Variants in NSD2 observed in about 807,000 individuals in gnomAD.
The protein encoded by NSD2 is histone-lysine N-methyltransferase NSD2.
NSD2 carries 12 observed loss-of-function variants against 139.0 expected under a neutral mutation model. That is an observed-to-expected ratio of 0.09 (90% confidence interval 0.06 to 0.14). The LOEUF is 0.14. Among genes scored for constraint, NSD2 ranks in the 10% least tolerant of loss-of-function variants. The pLI, the probability that NSD2 is intolerant of heterozygous loss-of-function variation, is 1.00. For synonymous variants in NSD2, 669 were observed against 648.7 expected, an observed-to-expected ratio of 1.03 and a Z score of -0.48; for missense variants, 1,155 against 1,745.0, an observed-to-expected ratio of 0.66 and a Z score of 6.02.
intron 1 of NSD2, among the ~76,000 whole-genome samples, chr4:1,875,588 T>C (rs1714190718): frequency 6.6e-6 from 1 of 152,142 alleles, no homozygotes; most frequent in East Asian, 1.9e-4. Flanking sequence ...TTTGATTACA[T>C]TTGGTTTGCT....
rs140246901 is a variant in NSD2, at chr4:1,873,395, T to C, written c.-30+1853T>C. Among the ~76,000 whole-genome samples, 868 of 152,356 alleles carry C rather than the reference T, an allele frequency of 5.7e-3. 2 individuals carry two copies. Among genetic ancestry groups the C allele is most frequent in the Non-Finnish European group, 8.3e-3 (563 of 68,032 alleles). Reference sequence around the variant, plus strand: ...TTCGTATGTAACATATAAACTAATATAACTTTTGGAGCCATGCACAACAAA... The same window carrying C: ...TTCGTATGTAACATATAAACTAATACAACTTTTGGAGCCATGCACAACAAA... On this transcript the variant is annotated intron_variant, in intron 1 of 21. Coordinates refer to ENST00000508803, the MANE Select transcript of NSD2 (RefSeq NM_001042424.3).
chr4:1,948,691 C>T lies in NSD2; in HGVS notation c.1882-2381C>T, dbSNP rs576581444. Reference sequence around the variant, plus strand: ...GTGTGTCGTTAACATTTATATATTTCCATTCAAAATATGTATTCAGTGTTT... The same window carrying T: ...GTGTGTCGTTAACATTTATATATTTTCATTCAAAATATGTATTCAGTGTTT... On this transcript the variant is annotated intron_variant, in intron 9 of 21. Coordinates refer to ENST00000508803, the MANE Select transcript of NSD2 (RefSeq NM_001042424.3). This position sits in a 1 kb window ranked among gnomAD's most constrained non-coding sequence, Gnocchi z 4.5. The T allele has an allele frequency of 4.3e-4, 455 of 1,054,924 alleles. No individual in the cohort carries two copies. The highest frequency in any genetic ancestry group is 5.1e-4 in the Non-Finnish European group (445 of 871,710). The allele number at this position is 1,054,924 out of a possible 1,614,324, so 65.3% of individuals were successfully genotyped here. A position where few individuals can be genotyped will look rare whatever the true frequency, so the allele number is the denominator to read the frequency against.
intron 18 of NSD2, among the ~76,000 whole-genome samples, chr4:1,969,662 C>T (rs1726242325): frequency 6.6e-6 from 1 of 152,046 alleles, no homozygotes; most frequent in African/African-American, 2.4e-5. Flanking sequence ...AAGCCAAGGT[C>T]CTGTACAATT....
chr4:1,930,485 TTA>T, intron 5 of NSD2, 139 bp from the exon 6 acceptor site: 1 of 890,902 alleles, frequency 1.1e-6, no homozygotes, highest in Non-Finnish European at 1.6e-6. Context: ...TTTGAAGCTT[TTA>T]TGGACATAGT....
At chr4:1,949,185 G>C (rs1033062533) in intron 9 of NSD2, among the ~76,000 whole-genome samples, 1 of 152,226 alleles carries the variant, frequency 6.6e-6, no homozygotes, top group African/African-American at 2.4e-5. Context: ...CTCAGAGCAC[G>C]TCAAGTGGCC....
chr4:1,936,490 G>GT (rs1242403362), intron 7 of NSD2, among the ~76,000 whole-genome samples: 2 of 151,986 alleles, frequency 1.3e-5, no homozygotes, highest in African/African-American at 2.4e-5. Context: ...GGCCAACATG[G>GT]TGAAACCCCA....
chr4:1,884,419 A>G (rs1367357448), intron 1 of NSD2, among the ~76,000 whole-genome samples: 1 of 126,286 alleles, frequency 7.9e-6, no homozygotes, highest in Non-Finnish European at 1.7e-5. Flanking sequence ...TTTGAGACGG[A>G]GTTGTGCCCT....
chr4:1,934,481 G>A (rs1299841816), intron 6 of NSD2, among the ~76,000 whole-genome samples: 2 of 150,366 alleles, frequency 1.3e-5, no homozygotes, highest in African/African-American at 4.9e-5. Context: ...CTACAAGAGC[G>A]AAACTCCATC....
chr4:1,911,596 AAAAAAAAAAAAG>A lies in NSD2; in HGVS notation c.761-5259_761-5248del, dbSNP rs1416156846. Among the ~76,000 whole-genome samples the A allele has an allele frequency of 1.3e-3, 191 of 142,200 alleles. 1 individual carries two copies. The highest frequency in any genetic ancestry group is 0.012 in the East Asian group (64 of 5,132). The allele number at this position is 142,200 out of a possible 152,430, so 93.3% of individuals were successfully genotyped here. A position where few individuals can be genotyped will look rare whatever the true frequency, so the allele number is the denominator to read the frequency against. On this transcript the variant is annotated intron_variant, in intron 3 of 21. Coordinates refer to ENST00000508803, the MANE Select transcript of NSD2 (RefSeq NM_001042424.3). ...GAGCGAGACGCCATCTCAAAAAAAAAAAAAAAAAAAAGAAAAAAAAAAAGAAAGAAAGAAATT... is the reference window on the plus strand; with the variant it reads ...GAGCGAGACGCCATCTCAAAAAAAAAAAAAAAAAAAAGAAAGAAAGAAATT...
rs375200122 is a variant in NSD2 at position 1,885,532 on chromosome 4, A to T, written c.-30+13990A>T. On this transcript the variant is annotated intron_variant, in intron 1 of 21. Transcript: ENST00000508803. ...GTCTGTCTCAGTGGCCCCTGTTGAC[A>T]TGTATTTTGATAGGACCTTGTCCTT... is the stretch of plus-strand genomic sequence containing the variant. 3.9e-5 allele frequency among the ~76,000 whole-genome samples: 6 copies of T among 152,286 alleles called. No individual in the cohort carries two copies. In the East Asian group the frequency reaches 5.8e-4, roughly 15 times the overall value.
At chr4:1,896,771 C>CT (rs373798315) in intron 1 of NSD2, among the ~76,000 whole-genome samples, 9 of 149,608 alleles carry the variant, frequency 6.0e-5, no homozygotes, top group Non-Finnish European at 8.9e-5. Flanking sequence ...TCTTTCTTCT[C>CT]TTTTTTTTCT....
intron 12 of NSD2, among the ~76,000 whole-genome samples, chr4:1,954,088 C>T (rs1378201852): frequency 2.6e-5 from 4 of 151,834 alleles, no homozygotes; most frequent in East Asian, 3.9e-4. Flanking sequence ...CAGGTTCAAG[C>T]GATCCTCCTG....
At chr4:1,904,161 A>G (rs753803388) in intron 2 of NSD2, 55 bp from the exon 3 acceptor site, 21 of 1,566,260 alleles carry the variant, frequency 1.3e-5, no homozygotes, top group Non-Finnish European at 1.7e-5. Flanking sequence ...GGTCTTCTGG[A>G]TACACAGGTA....
chr4:1,952,287 C>T, intron 11 of NSD2, 56 bp downstream of exon 11: 1 of 1,603,980 alleles, frequency 6.2e-7, no homozygotes, highest in South Asian at 1.1e-5. Context: ...GCTCCTGCAA[C>T]CCCCTGCACC....
rs968797544 is a variant in NSD2 at position 1,976,042 on chromosome 4, G to C, written c.3622-433G>C. 1.3e-5 allele frequency among the ~76,000 whole-genome samples: 2 copies of C among 152,136 alleles called. No homozygotes were observed. Among genetic ancestry groups the C allele is most frequent in the Admixed American group, 6.5e-5 (1 of 15,284 alleles). ...GGCCCTGAGCCGGTGTCTGTCCTCA[G>C]CCGTGTTGCTGAGGATGGTCACTGC... On this transcript the variant is annotated intron_variant, in intron 20 of 21. Coordinates refer to ENST00000508803, the MANE Select transcript of NSD2 (RefSeq NM_001042424.3). This position sits in a 1 kb window ranked among gnomAD's most constrained non-coding sequence, Gnocchi z 5.3.
rs750027038 is a variant in NSD2 at position 1,952,215 on chromosome 4, C to T, written c.2121C>T (p.Cys707=). 1.2e-6 allele frequency: 2 copies of T among 1,613,730 alleles called. No homozygotes were observed. The highest frequency in any genetic ancestry group is 1.1e-5 in the South Asian group (1 of 91,066). The change falls in exon 11 of 22, where the codon TGC becomes TGT. Residue 707 remains cysteine, a synonymous_variant. Transcript: ENST00000508803. ...GGAGGCCAGAAGGGAGGTTCACCTG[C>T]AGCGAGTGTGCCTCAGGCAAGTTCC... is the stretch of plus-strand genomic sequence containing the variant. ...LSRRPEGRFT[C]SECASGIHSC... is the part of the protein sequence containing the mutation.
intron 18 of NSD2, among the ~76,000 whole-genome samples, chr4:1,961,566 C>T (rs908449877): frequency 1.3e-5 from 2 of 152,252 alleles, no homozygotes; most frequent in Non-Finnish European, 1.5e-5. Context: ...ATCGTTTTTG[C>T]TTGGTTGTTG....
Position 1,930,288 on chromosome 4 carries a change from A to G in NSD2, c.1411-338A>G, listed in dbSNP as rs557120551. 3.9e-5 allele frequency among the ~76,000 whole-genome samples: 6 copies of G among 152,286 alleles called. No individual in the cohort carries two copies. In the South Asian group the frequency reaches 1.0e-3, roughly 26 times the overall value. On this transcript the variant is annotated intron_variant, in intron 5 of 21. Coordinates refer to ENST00000508803, the MANE Select transcript of NSD2 (RefSeq NM_001042424.3). ...AGCGTTCCTGTGGCACTGGCTCTACAGCTAATTTTTCAGGGGTGCCTAGAG... is the reference window on the plus strand; with the variant it reads ...AGCGTTCCTGTGGCACTGGCTCTACGGCTAATTTTTCAGGGGTGCCTAGAG...
At position 1,955,944 on chromosome 4, in the gene NSD2, T is replaced by C. The variant is rs867903763; in HGVS notation, c.2676-39T>C. The C allele has an allele frequency of 6.2e-7, 1 of 1,612,084 alleles. No individual in the cohort carries two copies. The highest frequency in any genetic ancestry group is 1.7e-4 in the Middle Eastern group (1 of 6,056). On this transcript the variant is annotated intron_variant, in intron 14 of 21. Transcript: ENST00000508803. The surrounding 1 kb of genome is among the most constrained non-coding windows in gnomAD (Gnocchi z 4.7). The stretch of plus-strand genomic sequence containing the variant: ...GTATTGAAATTATTATCGCTGTCTC[T>C]GAGGAGTCTGTGAATCCTGTTTTTA...
Sources: gnomAD v4.1 joint callset for allele counts (sites outside exome capture counted in the v4.1 genomes callset) on GRCh38, gnomAD v4.1.1 for gene constraint, Gnocchi (gnomAD v3.1) non-coding constraint, MANE v1.5 for transcripts, NCBI Gene and HGNC (gene_info 2026-07-23, HGNC 2026-07-21) for gene names.